DSTYK: variants seen among roughly 807,000 people sequenced by gnomAD.
The protein encoded by DSTYK is RIP-homologous kinase.
Under a neutral mutation model 98.7 loss-of-function variants are expected in DSTYK, and 34 were observed. That is an observed-to-expected ratio of 0.34 (90% CI 0.26 to 0.46). The LOEUF is 0.46. DSTYK is among the 20% of genes least tolerant of loss of function. The pLI is 1.00. For missense variants in DSTYK, 962 were observed against 1,181.7 expected (o/e 0.81, Z 2.73); for synonymous variants, 462 against 457.3 (o/e 1.01, Z -0.13).
At chr1:205,200,700 A>C (rs1021402020) in intron 1 of DSTYK, among the ~76,000 whole-genome samples, 2 of 152,234 alleles carry the variant, frequency 1.3e-5, no homozygotes, top group Non-Finnish European at 2.9e-5. Flanking sequence ...TCCTGTGCCT[A>C]GTACAGAGTC....
At chr1:205,176,716 T>C (rs1038088429) in intron 2 of DSTYK, among the ~76,000 whole-genome samples, 2 of 151,874 alleles carry the variant, frequency 1.3e-5, no homozygotes, top group Non-Finnish European at 2.9e-5. Context: ...GTGCTAGGAT[T>C]ATAGGCATGT....
At chr1:205,163,097 C>T in intron 4 of DSTYK, 91 bp from the exon 5 acceptor site, 1 of 1,149,290 alleles carries the variant, frequency 8.7e-7, no homozygotes, top group Non-Finnish European at 1.3e-6. Context: ...GAACACAGTC[C>T]AGACTCAGGG....
At chr1:205,202,558 A>G in intron 1 of DSTYK, 1 of 955,762 alleles carries the variant, frequency 1.0e-6, no homozygotes, top group Non-Finnish European at 1.7e-6. Flanking sequence ...CAAAGCACCT[A>G]AGATGCGCCG....
chr1:205,158,792 T>C (rs1483975977), intron 9 of DSTYK, among the ~76,000 whole-genome samples: 2 of 152,218 alleles, frequency 1.3e-5, no homozygotes, highest in Non-Finnish European at 2.9e-5. Flanking sequence ...CCTGAAATGG[T>C]TGCTGACTAC....
chr1:205,147,674 C>A lies in DSTYK; in HGVS notation c.2674G>T (p.Asp892Tyr). The A allele has an allele frequency of 3.1e-6, 5 of 1,614,070 alleles. No individual in the cohort carries two copies. The highest frequency in any genetic ancestry group is 1.6e-4 in the Middle Eastern group (1 of 6,062). Reference protein sequence around the residue: ...WQLMEACWDGDPLKRPLLGIV... With the variant: ...WQLMEACWDGYPLKRPLLGIV... ...CCCAAGAGAGGCCTCTTCAAGGGGT[C>A]GCCATCCCAACAGGCTTCCATCAAC... Residue 892 changes from aspartate to tyrosine, a missense_variant, in exon 13 of 13, where the codon GAC becomes TAC. By Grantham distance (160) the Asp-to-Tyr change is radical. This residue lies in a region of DSTYK where 65 missense variants were observed against 63.9 expected (regional missense o/e 1.02). Coordinates refer to ENST00000367162, the MANE Select transcript of DSTYK (RefSeq NM_015375.3).
chr1:205,181,653 G>GTGT (rs1658400187), intron 2 of DSTYK, among the ~76,000 whole-genome samples: 3 of 83,962 alleles, frequency 3.6e-5, no homozygotes, highest in Admixed American at 2.5e-4. Flanking sequence ...CAGATGTTGG[G>GTGT]GTTTGTGTGT....
chr1:205,187,490 G>A lies in DSTYK; in HGVS notation c.582C>T (p.Val194=). The A allele has an allele frequency of 1.2e-6, 2 of 1,614,142 alleles. No individual in the cohort carries two copies. The highest frequency in any genetic ancestry group is 1.7e-6 in the Non-Finnish European group (2 of 1,180,020). The change falls in exon 2 of 13, where the codon GTC becomes GTT. Residue 194 remains valine, a synonymous_variant. Transcript: ENST00000367162. ...WETIPEEDLE[V]QENNEDAAHV... is the part of the protein sequence containing the mutation. ...GAGCAGCATCCTCATTGTTCTCTTG[G>A]ACCTCCAGATCCTCCTCAGGGATGG...
chr1:205,200,305 TGGG>T (rs1658990508), intron 1 of DSTYK, among the ~76,000 whole-genome samples: 1 of 152,102 alleles, frequency 6.6e-6, no homozygotes, highest in Non-Finnish European at 1.5e-5. Flanking sequence ...CCCAAAGTGC[TGGG>T]ATTATAGGCA....
At position 205,177,946 on chromosome 1, in the gene DSTYK, G is replaced by C. The variant is rs117959412; in HGVS notation, c.655-8114C>G. Among the ~76,000 whole-genome samples, 80 of 152,106 alleles carry C rather than the reference G, an allele frequency of 5.3e-4. 2 individuals are homozygous for C. In the East Asian group the frequency reaches 0.012, roughly 22 times the overall value. On this transcript the variant is annotated intron_variant, in intron 2 of 12. Coordinates refer to ENST00000367162, the MANE Select transcript of DSTYK (RefSeq NM_015375.3). The stretch of plus-strand genomic sequence containing the variant: ...CCAAGGGGGAGCTGCAACCAAACAG[G>C]CTATAACATGTTTCTAGGTTATAAC...
At chr1:205,207,233 C>A (rs1659229615) in intron 1 of DSTYK, among the ~76,000 whole-genome samples, 1 of 151,826 alleles carries the variant, frequency 6.6e-6, no homozygotes, top group African/African-American at 2.4e-5. Flanking sequence ...CACGCGCCAT[C>A]ATGCCTGGCT....
chr1:205,158,519 C>T (rs1657624214), intron 9 of DSTYK, among the ~76,000 whole-genome samples: 1 of 152,148 alleles, frequency 6.6e-6, no homozygotes, highest in Admixed American at 6.5e-5. Flanking sequence ...CCTTTAGTAG[C>T]TTCTCACAGT....
chr1:205,159,588 TGAG>T lies in DSTYK; in HGVS notation c.2194_2196del (p.Leu732del). On this transcript the variant is annotated inframe_deletion, in exon 9 of 13. Coordinates refer to ENST00000367162, the MANE Select transcript of DSTYK (RefSeq NM_015375.3). ...AGATCCCGGTGTAGCCGCTCCATAATGAGGAGCACAGCAATGCTGGAGCCACCA... is the reference window on the plus strand; with the variant it reads ...AGATCCCGGTGTAGCCGCTCCATAATGAGCACAGCAATGCTGGAGCCACCA... 6.4e-7 allele frequency: 1 copy of T among 1,554,258 alleles called. No homozygotes were observed. The highest frequency in any genetic ancestry group is 8.7e-7 in the Non-Finnish European group (1 of 1,148,020).
chr1:205,180,160 G>A (rs1180323912), intron 2 of DSTYK, among the ~76,000 whole-genome samples: 1 of 152,006 alleles, frequency 6.6e-6, no homozygotes, highest in Admixed American at 6.6e-5. Context: ...TGGGGAACGT[G>A]CAGGTTTGTT....
At chr1:205,190,961 C>T (rs894168270) in intron 1 of DSTYK, among the ~76,000 whole-genome samples, 2 of 152,226 alleles carry the variant, frequency 1.3e-5, no homozygotes, top group African/African-American at 2.4e-5. Context: ...AGAGCCTCTG[C>T]ACCTCTGAAA....
chr1:205,157,366 T>C lies in DSTYK; in HGVS notation c.2259A>G (p.Thr753=). 6.2e-7 allele frequency: 1 copy of C among 1,614,156 alleles called. No homozygotes were observed. The highest frequency in any genetic ancestry group is 1.7e-5 in the Admixed American group (1 of 60,022). The change falls in exon 10 of 13, where the codon ACA becomes ACG. Residue 753 remains threonine, a synonymous_variant. Transcript: ENST00000367162. Reference sequence around the variant, plus strand: ...CCACATCTAGTGCTATCTGCAAACGTGTCTCCAGGGTCAGCCCAGCCTTGG... The same window carrying C: ...CCACATCTAGTGCTATCTGCAAACGCGTCTCCAGGGTCAGCCCAGCCTTGG... ...TGLKAGLTLE[T]RLQIALDVVE... is the part of the protein sequence containing the mutation.
Position 205,150,637 on chromosome 1 carries a change from T to C in DSTYK, c.2467+43A>G, listed in dbSNP as rs777617095. On this transcript the variant is annotated intron_variant, in intron 11 of 12. Transcript: ENST00000367162. This position sits in a 1 kb window ranked among gnomAD's most constrained non-coding sequence, Gnocchi z 4.1. ...CAAGGGGTAGCACTCAGGATTAAAG[T>C]AGTACGCCCTGCCCAGACCCACTGC... 4.4e-5 allele frequency: 65 copies of C among 1,470,418 alleles called. No individual in the cohort carries two copies. In the South Asian group the frequency reaches 6.6e-4, roughly 15 times the overall value. The allele number at this position is 1,470,418 out of a possible 1,614,324, so 91.1% of individuals were successfully genotyped here.
rs1657363319 is a variant in DSTYK, at chr1:205,150,251, AC to A, written c.2467+428del. Among the ~76,000 whole-genome samples, 1 of 152,132 alleles carries A rather than the reference AC, an allele frequency of 6.6e-6. No homozygotes were observed. Among genetic ancestry groups the A allele is most frequent in the Non-Finnish European group, 1.5e-5 (1 of 68,034 alleles). On this transcript the variant is annotated intron_variant, in intron 11 of 12. Coordinates refer to ENST00000367162, the MANE Select transcript of DSTYK (RefSeq NM_015375.3). The surrounding 1 kb of genome is among the most constrained non-coding windows in gnomAD (Gnocchi z 4.1). Reference sequence around the variant, plus strand: ...ACCTTCATTTATTCCTTCTCTAAACACCAACAGTACATTATATAGCACTTAA... The same window carrying A: ...ACCTTCATTTATTCCTTCTCTAAACACAACAGTACATTATATAGCACTTAA...
chr1:205,196,491 C>T (rs963381520), intron 1 of DSTYK, among the ~76,000 whole-genome samples: 1 of 152,132 alleles, frequency 6.6e-6, no homozygotes, highest in Non-Finnish European at 1.5e-5. Flanking sequence ...GAGATTAAGG[C>T]TGCAGTGAGC....
Position 205,148,197 on chromosome 1 carries a change from G to A in DSTYK, c.2602+8C>T. Reference sequence around the variant, plus strand: ...GAGTTAGGACAAGGTAGTACTTGTGGCTCTTACCCCTCCGCACATTGTTCC... The same window carrying A: ...GAGTTAGGACAAGGTAGTACTTGTGACTCTTACCCCTCCGCACATTGTTCC... On this transcript the variant is annotated splice_region_variant and intron_variant, in intron 12 of 12. Coordinates refer to ENST00000367162, the MANE Select transcript of DSTYK (RefSeq NM_015375.3). The A allele has an allele frequency of 6.2e-7, 1 of 1,614,050 alleles. No individual in the cohort carries two copies. The highest frequency in any genetic ancestry group is 8.5e-7 in the Non-Finnish European group (1 of 1,179,958).
Sources: allele counts gnomAD v4.1 joint callset (sites outside exome capture counted in the v4.1 genomes callset), GRCh38; gene constraint gnomAD v4.1.1; regional missense constraint gnomAD v4.1.1; non-coding constraint Gnocchi (gnomAD v3.1); transcripts MANE v1.5; gene names NCBI Gene and HGNC (gene_info 2026-07-23, HGNC 2026-07-21).